The following TMEM39B variants were observed in gnomAD, a reference collection of about 807,000 sequenced individuals.
TMEM39B encodes transmembrane protein 39B.
In TMEM39B, 23 loss-of-function variants were observed where a neutral mutation model predicts 52.2. That is an observed-to-expected ratio of 0.44 (90% CI 0.32 to 0.62). The LOEUF (loss-of-function observed/expected upper bound fraction) is 0.62, where lower values mean the gene tolerates loss of function less well. TMEM39B is among the 20% of genes least tolerant of loss of function. The probability of loss-of-function intolerance (pLI) is 0.06; values close to 1 mark genes in which losing one functional copy is unlikely to be tolerated. For synonymous variants in TMEM39B, 285 were observed against 264.0 expected (o/e 1.08, Z -0.77); for missense variants, 547 against 642.0 (o/e 0.85, Z 1.60).
chr1:32,079,508 C>T (rs1164175114), intron 5 of TMEM39B, among the ~76,000 whole-genome samples: 2 of 151,830 alleles, frequency 1.3e-5, no homozygotes, highest in African/African-American at 4.8e-5. Flanking sequence ...CTAACCTGGA[C>T]CAGTTCATCC....
At chr1:32,085,687 G>T (rs548185998) in intron 5 of TMEM39B, among the ~76,000 whole-genome samples, 5 of 151,452 alleles carry the variant, frequency 3.3e-5, no homozygotes, top group East Asian at 3.9e-4. Context: ...GGAGGTGGAG[G>T]TTGCAGTGAG....
At chr1:32,077,672 T>C (rs778038405) in intron 5 of TMEM39B, among the ~76,000 whole-genome samples, 10 of 152,144 alleles carry the variant, frequency 6.6e-5, no homozygotes, top group Non-Finnish European at 1.5e-4. Flanking sequence ...TGTCTCTCTT[T>C]GTGTATCTCA....
rs757474376 is a variant in TMEM39B, at chr1:32,091,848, G to A, written c.764G>A (p.Gly255Asp). The A allele has an allele frequency of 9.9e-6, 16 of 1,614,096 alleles. No individual in the cohort carries two copies. The African/African-American group carries it at 1.9e-4, about 19-fold the overall frequency. ...TWKQHTRQLYGPDAMPTHACC... is the reference protein window; with the variant it reads ...TWKQHTRQLYDPDAMPTHACC... ...AAGCAGCACACAAGACAGCTGTATG[G>A]CCCGGACGCCATGCCCACCCATGCC... The change falls in exon 6 of 9, where the codon GGC becomes GAC. Residue 255 changes from glycine (G) to aspartate (D), a missense_variant. Gly to Asp is a moderately conservative substitution (Grantham distance 94, BLOSUM62 -1). Coordinates refer to ENST00000336294, the MANE Select transcript of TMEM39B (RefSeq NM_018056.4).
At chr1:32,096,491 G>A (rs547984737) in intron 7 of TMEM39B, among the ~76,000 whole-genome samples, 2 of 118,720 alleles carry the variant, frequency 1.7e-5, no homozygotes, top group Admixed American at 1.2e-4. Context: ...ATGGAGTCAC[G>A]CTCTGTTGCC....
intron 1 of TMEM39B, chr1:32,073,560 G>A (rs987017978): frequency 4.0e-6 from 4 of 992,410 alleles, no homozygotes; most frequent in Non-Finnish European, 4.8e-6. Context: ...CTTCTGGGCT[G>A]AGGGGCTTTA....
chr1:32,100,682 A>G, intron 8 of TMEM39B, 120 bp downstream of exon 8: 1 of 1,375,034 alleles, frequency 7.3e-7, no homozygotes, highest in Non-Finnish European at 1.0e-6. Flanking sequence ...ATCCAAAGGA[A>G]GACAGTGCAC....
chr1:32,090,735 G>C (rs1312016772), intron 5 of TMEM39B, among the ~76,000 whole-genome samples: 3 of 152,088 alleles, frequency 2.0e-5, no homozygotes, highest in African/African-American at 7.2e-5. Context: ...CACCTCCCGG[G>C]TTCACGCCAT....
chr1:32,073,646 G>T, intron 1 of TMEM39B: 1 of 985,932 alleles, frequency 1.0e-6, no homozygotes, highest in African/African-American at 1.7e-5. Flanking sequence ...GTGTTTGTGT[G>T]GGATTTTCTA....
At chr1:32,073,099 G>A (rs2124415346) in intron 1 of TMEM39B, 48 bp downstream of exon 1, 1 of 1,415,100 alleles carries the variant, frequency 7.1e-7, no homozygotes, top group South Asian at 1.5e-5. Flanking sequence ...GGGCGCACGG[G>A]TTAGGATGGC....
At chr1:32,083,492 G>A (rs1293804561) in intron 5 of TMEM39B, among the ~76,000 whole-genome samples, 2 of 120,682 alleles carry the variant, frequency 1.7e-5, no homozygotes, top group Non-Finnish European at 3.2e-5. Flanking sequence ...GTGCAATCTT[G>A]GCTCACTGCA....
intron 1 of TMEM39B, 98 bp from the exon 2 acceptor site, chr1:32,074,853 T>C (rs1382077879): frequency 7.2e-7 from 1 of 1,385,872 alleles, no homozygotes; most frequent in Admixed American, 2.5e-5. Flanking sequence ...GATTAAATGA[T>C]AAAGTGAGAT....
At chr1:32,079,210 A>G (rs1569867738) in intron 5 of TMEM39B, among the ~76,000 whole-genome samples, 2 of 124,906 alleles carry the variant, frequency 1.6e-5, no homozygotes, top group African/African-American at 6.1e-5. Flanking sequence ...TTTGAGATGG[A>G]GTCTCGCTCT....
At chr1:32,102,347 C>G (rs965380054) in intron 8 of TMEM39B, 84 bp from the exon 9 acceptor site, 3 of 1,548,410 alleles carry the variant, frequency 1.9e-6, no homozygotes, top group Non-Finnish European at 2.6e-6. Flanking sequence ...AGGCTGTCCC[C>G]TTCACTGGCC....
intron 5 of TMEM39B, among the ~76,000 whole-genome samples, chr1:32,083,003 T>A (rs1429170491): frequency 6.7e-6 from 1 of 148,546 alleles, no homozygotes; most frequent in Non-Finnish European, 1.5e-5. Flanking sequence ...CTCGATCTCC[T>A]GACCTCGTGA....
At chr1:32,080,465 A>G (rs570418819) in intron 5 of TMEM39B, among the ~76,000 whole-genome samples, 1 of 151,564 alleles carries the variant, frequency 6.6e-6, no homozygotes, top group South Asian at 2.1e-4. Context: ...GGAGATTGAG[A>G]CCATCCTGGC....
chr1:32,083,185 A>G (rs1488261542), intron 5 of TMEM39B, among the ~76,000 whole-genome samples: 7 of 144,282 alleles, frequency 4.9e-5, no homozygotes, highest in Non-Finnish European at 9.0e-5. Context: ...CCCAAGTTCA[A>G]GTGATTCTCC....
At position 32,074,877 on chromosome 1, in the gene TMEM39B, C is replaced by T. The variant is rs993686795; in HGVS notation, c.5-74C>T. 7 of 1,466,760 alleles carry T rather than the reference C, an allele frequency of 4.8e-6. No individual in the cohort carries two copies. The African/African-American group carries it at 8.5e-5, about 18-fold the overall frequency. 90.9% of individuals were successfully genotyped at this position (1,466,760 alleles called of 1,614,324 possible). On this transcript the variant is annotated intron_variant, in intron 1 of 8. Transcript: ENST00000336294. ...ATAAAGTGAGATACTAGGTGACTGGCAGCTGGTATCATTGCTGTTATCCTT... is the reference window on the plus strand; with the variant it reads ...ATAAAGTGAGATACTAGGTGACTGGTAGCTGGTATCATTGCTGTTATCCTT...
chr1:32,100,334 G>A, intron 7 of TMEM39B, 108 bp from the exon 8 acceptor site: 1 of 1,277,592 alleles, frequency 7.8e-7, no homozygotes. Context: ...GCGTGTCTAA[G>A]TGATAGAAAT....
At chr1:32,094,761 C>T in intron 6 of TMEM39B, 23 bp from the exon 7 acceptor site, 1 of 1,613,400 alleles carries the variant, frequency 6.2e-7, no homozygotes, top group Non-Finnish European at 8.5e-7. Flanking sequence ...TCCCAGGCCT[C>T]ACCCACCTTC....
Sources: gnomAD v4.1 joint callset for allele counts (sites outside exome capture counted in the v4.1 genomes callset) on GRCh38, gnomAD v4.1.1 for gene constraint, MANE v1.5 for transcripts, NCBI Gene and HGNC (gene_info 2026-07-23, HGNC 2026-07-21) for gene names.